Variants in LACC1 observed in about 807,000 individuals in gnomAD.
LACC1 encodes laccase domain multifunctional purine nucleosidase 1.
Under a neutral mutation model 34.8 loss-of-function variants are expected in LACC1, and 25 were observed. The observed-to-expected ratio is 0.72, with a 90% CI of 0.52 to 1.00. The LOEUF (loss-of-function observed/expected upper bound fraction) is 1.00. LACC1 is among the 50% of genes least tolerant of loss of function. The probability of loss-of-function intolerance (pLI) is 0.00; values close to 1 mark genes in which losing one functional copy is unlikely to be tolerated. For missense variants in LACC1, 426 were observed against 511.2 expected (o/e 0.83, Z 1.61); for synonymous variants, 162 against 168.0 (o/e 0.96, Z 0.28).
At position 43,881,346 on chromosome 13, in the gene LACC1, C is replaced by T. The variant is rs1258367797; in HGVS notation, c.361C>T (p.Gln121Ter). ...GACATTAATGAAAGCTTTTATTGAT[C>T]AACTCTTCACTGATGTTTACAATTT... ...RKTLMKAFID[Q>*]LFTDVYNFEF... Residue 121 changes from glutamine to a stop codon, truncating the protein, a stop_gained, in exon 2 of 7, where the codon CAA (glutamine) becomes TAA (stop). Coordinates refer to ENST00000325686, the MANE Select transcript of LACC1 (RefSeq NM_153218.4). LOFTEE classifies it high-confidence loss of function. 1.2e-6 allele frequency: 2 copies of T among 1,613,734 alleles called. No individual in the cohort carries two copies. Among genetic ancestry groups the T allele is most frequent in the Non-Finnish European group, 1.7e-6 (2 of 1,179,934 alleles).
rs769403825 is a variant in LACC1, at chr13:43,892,269, A to G, written c.*822A>G. The G allele has an allele frequency of 5.3e-5, 8 of 150,448 alleles. No individual in the cohort carries two copies. The highest frequency in any genetic ancestry group is 1.3e-4 in the Admixed American group (2 of 15,126). 9.3% of individuals were successfully genotyped at this position (150,448 alleles called of 1,614,324 possible). A position where few individuals can be genotyped will look rare whatever the true frequency, so the allele number is the denominator to read the frequency against. On this transcript the variant is annotated 3_prime_UTR_variant, in exon 7 of 7. Transcript: ENST00000325686. ...GATTTAAATTGTGTGAGACCAAAGC[A>G]TAGAGACTAGATAAGAGGCGATCAA...
chr13:43,890,021 C>A (rs939618781), intron 5 of LACC1, 93 bp from the exon 6 acceptor site: 7 of 1,116,516 alleles, frequency 6.3e-6, no homozygotes, highest in Non-Finnish European at 8.9e-6. Flanking sequence ...TTTCCTGGAA[C>A]TTTTTCATGC....
chr13:43,888,521 A>G (rs1379070220), intron 4 of LACC1, among the ~76,000 whole-genome samples: 3 of 152,164 alleles, frequency 2.0e-5, no homozygotes, highest in East Asian at 3.8e-4. Context: ...AGTGGAAACT[A>G]AAAGTATAGA....
At position 43,890,215 on chromosome 13, in the gene LACC1, A is replaced by C; in HGVS notation, c.1235A>C (p.His412Pro). ...TGCCATCCTGACAAGTTTTTCTCCC[A>C]TGTCCGAGATGGCCTTAATTTTGGT... ...TSCHPDKFFS[H>P]VRDGLNFGTQ... Residue 412 changes from histidine (H) to proline (P), a missense_variant, in exon 6 of 7, where the codon CAT (histidine) becomes CCT (proline). Physicochemically the swap from His to Pro is moderately conservative, Grantham distance 77 (BLOSUM62 -2). This residue lies in a region of LACC1 where 209 missense variants were observed against 300.3 expected (regional missense o/e 0.70). Transcript: ENST00000325686. The C allele has an allele frequency of 6.2e-7, 1 of 1,613,814 alleles. No individual in the cohort carries two copies. The highest frequency in any genetic ancestry group is 8.5e-7 in the Non-Finnish European group (1 of 1,179,850).
chr13:43,881,538 T>C lies in LACC1; in HGVS notation c.553T>C (p.Leu185=). 6.3e-7 allele frequency: 1 copy of C among 1,598,240 alleles called. No individual in the cohort carries two copies. Among genetic ancestry groups the C allele is most frequent in the Non-Finnish European group, 8.5e-7 (1 of 1,173,926 alleles). ...AAAATTAACTATTATCACTTCTTCT[T>C]TGATCCCAGGTATATTAACCACTAA... ...RGKLTIITSS[L]IPDIFIHGFT... is the part of the protein sequence containing the mutation. The change falls in exon 2 of 7, where the codon TTG becomes CTG. Residue 185 remains leucine (L), a synonymous_variant. Coordinates refer to ENST00000325686, the MANE Select transcript of LACC1 (RefSeq NM_153218.4).
chr13:43,881,024 A>C lies in LACC1; in HGVS notation c.39A>C (p.Lys13Asn), dbSNP rs368210073. Residue 13 changes from lysine to asparagine, a missense_variant, in exon 2 of 7, where the codon AAA becomes AAC. Physicochemically the swap from Lys to Asn is moderately conservative, Grantham distance 94. Coordinates refer to ENST00000325686, the MANE Select transcript of LACC1 (RefSeq NM_153218.4). ...TTTTGATTGATCTTTTTGGTTTGAA[A>C]TTGAACTCTCAAAAAAACTGCCATC... is the stretch of plus-strand genomic sequence containing the variant. ...EAVLIDLFGL[K>N]LNSQKNCHQT... 5.6e-6 allele frequency: 9 copies of C among 1,613,922 alleles called. No homozygotes were observed. The African/African-American group carries it at 1.2e-4, about 22-fold the overall frequency.
Position 43,883,145 on chromosome 13 carries a change from A to G in LACC1, c.742-626A>G, listed in dbSNP as rs572764987. ...AATCAATTTTTTTCATTAACATTAT[A>G]ATGAAATGATGTGGAATAAAATGAC... is the stretch of plus-strand genomic sequence containing the variant. On this transcript the variant is annotated intron_variant, in intron 3 of 6. Transcript: ENST00000325686. Among the ~76,000 whole-genome samples the G allele has an allele frequency of 2.6e-5, 4 of 152,320 alleles. No homozygotes were observed. The South Asian group carries it at 8.3e-4, about 32-fold the overall frequency.
At chr13:43,880,868 C>T in intron 1 of LACC1, 84 bp from the exon 2 acceptor site, 1 of 876,364 alleles carries the variant, frequency 1.1e-6, no homozygotes, top group Non-Finnish European at 1.7e-6. Context: ...AGTGTAATTA[C>T]TTCGTTTTTA....
Position 43,881,436 on chromosome 13 carries a change from G to A in LACC1, c.451G>A (p.Val151Ile), listed in dbSNP as rs954052109. 24 of 1,613,892 alleles carry A rather than the reference G, an allele frequency of 1.5e-5. No individual in the cohort carries two copies. Among genetic ancestry groups the A allele is most frequent in the Non-Finnish European group, 1.9e-5 (22 of 1,179,968 alleles). ...TTTTAAACAGTCCATTGAAATAAAC[G>A]TAATCACAGCTCAAGAACTAAGAGG... Reference protein sequence around the residue: ...GLFKQSIEINVITAQELRGIQ... With the variant: ...GLFKQSIEINIITAQELRGIQ... Residue 151 changes from valine (V) to isoleucine (I), a missense_variant, in exon 2 of 7, where the codon GTA becomes ATA. Val to Ile is a conservative substitution (Grantham distance 29). Transcript: ENST00000325686.
At chr13:43,883,664 C>T (rs1955180234) in intron 3 of LACC1, 107 bp from the exon 4 acceptor site, 1 of 751,534 alleles carries the variant, frequency 1.3e-6, no homozygotes, top group Non-Finnish European at 2.0e-6. Flanking sequence ...TGCTAGTAAT[C>T]TTAAACTGGT....
upstream of LACC1, chr13:43,879,429 C>T: frequency 6.5e-6 from 1 of 152,848 alleles, no homozygotes; most frequent in Non-Finnish European, 1.5e-5. Context: ...CGCCTGGCTC[C>T]CGGGCGAGAG....
chr13:43,883,716 A>G (rs1955182925), intron 3 of LACC1, 55 bp from the exon 4 acceptor site: 2 of 1,370,220 alleles, frequency 1.5e-6, no homozygotes, highest in Non-Finnish European at 2.0e-6. Context: ...GAGAAAGCTT[A>G]TGGTATAAGA....
At chr13:43,884,981 G>T (rs1205801209) in intron 4 of LACC1, among the ~76,000 whole-genome samples, 2 of 152,102 alleles carry the variant, frequency 1.3e-5, no homozygotes, top group Admixed American at 6.6e-5. Context: ...TTATAAATGT[G>T]AATTTCAAGT....
At chr13:43,889,579 G>C (rs1463627765) in intron 5 of LACC1, among the ~76,000 whole-genome samples, 2 of 152,150 alleles carry the variant, frequency 1.3e-5, no homozygotes, top group Non-Finnish European at 2.9e-5. Flanking sequence ...TTTACCCAGA[G>C]TCTGCCTCAT....
rs887764241 is a variant in LACC1, at chr13:43,893,224, C to A, written c.*1777C>A. 3 of 152,066 alleles carry A rather than the reference C, an allele frequency of 2.0e-5. No individual in the cohort carries two copies. The highest frequency in any genetic ancestry group is 7.2e-5 in the African/African-American group (3 of 41,450). The allele number at this position is 152,066 out of a possible 1,614,324, so 9.4% of individuals were successfully genotyped here. On this transcript the variant is annotated 3_prime_UTR_variant, in exon 7 of 7. Coordinates refer to ENST00000325686, the MANE Select transcript of LACC1 (RefSeq NM_153218.4). ...TTGTTTGGTATTTCCAAAGGACTTT[C>A]ATGTACATTGCCTCATTTTACCTTT...
At chr13:43,890,331 C>A in intron 6 of LACC1, 57 bp downstream of exon 6, 1 of 1,374,980 alleles carries the variant, frequency 7.3e-7, no homozygotes, top group Non-Finnish European at 1.0e-6. Flanking sequence ...CCTCTCTCCA[C>A]TTCTCCCTCC....
chr13:43,879,778 T>TGGGC (rs1555394141), upstream of LACC1: 2 of 103,400 alleles, frequency 1.9e-5, no homozygotes, highest in African/African-American at 3.5e-5. Context: ...GGGGGCGAGG[T>TGGGC]GAGGCGGGGC....
At chr13:43,891,394 GATA>G (rs1334001008) in intron 6 of LACC1, 52 bp from the exon 7 acceptor site, 2 of 856,158 alleles carry the variant, frequency 2.3e-6, no homozygotes, top group Non-Finnish European at 2.8e-6. Context: ...CTCTTACCTT[GATA>G]TTCTAATAAC....
chr13:43,882,327 T>G lies in LACC1; in HGVS notation c.705T>G (p.Ala235=). The stretch of plus-strand genomic sequence containing the variant: ...AAAATCTGCGTAGGTTGGCGAATGC[T>G]GCAGGATTTAATGTGGAGAAATTTT... The part of the protein sequence containing the change: ...VQENLRRLAN[A]AGFNVEKFYR... Residue 235 remains alanine (A), a synonymous_variant, in exon 3 of 7, where the codon GCT becomes GCG. Coordinates refer to ENST00000325686, the MANE Select transcript of LACC1 (RefSeq NM_153218.4). The G allele has an allele frequency of 6.2e-7, 1 of 1,613,020 alleles. No individual in the cohort carries two copies. The highest frequency in any genetic ancestry group is 8.5e-7 in the Non-Finnish European group (1 of 1,179,694).
Sources: gnomAD v4.1 joint callset for allele counts (sites outside exome capture counted in the v4.1 genomes callset) on GRCh38, gnomAD v4.1.1 for gene constraint, gnomAD v4.1.1 regional missense constraint, MANE v1.5 for transcripts, NCBI Gene and HGNC (gene_info 2026-07-23, HGNC 2026-07-21) for gene names.